The following RGS7 variants were observed in gnomAD, a reference collection of about 807,000 sequenced individuals.
RGS7 encodes the protein regulator of G protein signaling 7.
RGS7 carries 27 observed loss-of-function variants against 81.1 expected under a neutral mutation model. The observed-to-expected ratio is 0.33, with a 90% CI of 0.25 to 0.46. The LOEUF (loss-of-function observed/expected upper bound fraction) is 0.46. Ranked by LOEUF, RGS7 falls within the 20% of genes least tolerant of loss-of-function variation. The probability of loss-of-function intolerance (pLI) is 1.00; values close to 1 mark genes in which losing one functional copy is unlikely to be tolerated. For synonymous variants in RGS7, 208 were observed against 207.7 expected (o/e 1.00, Z -0.01); for missense variants, 396 against 607.4 (o/e 0.65, Z 3.66).
intron 18 of RGS7, among the ~76,000 whole-genome samples, chr1:240,790,756 T>C (rs531459768): frequency 1.3e-5 from 2 of 152,230 alleles, no homozygotes; most frequent in Non-Finnish European, 2.9e-5. Flanking sequence ...ATTCTTGCAA[T>C]GGGCTGGGGA....
At chr1:240,866,606 G>C (rs1663337523) in intron 9 of RGS7, among the ~76,000 whole-genome samples, 1 of 152,272 alleles carries the variant, frequency 6.6e-6, no homozygotes, top group Admixed American at 6.5e-5. Flanking sequence ...TTTCTAGTTG[G>C]AAGCCTAGTG....
intron 2 of RGS7, among the ~76,000 whole-genome samples, chr1:241,169,195 T>C (rs1232227109): frequency 6.9e-6 from 1 of 145,282 alleles, no homozygotes. Context: ...GTTATATACA[T>C]TAACATGTCA....
chr1:241,244,549 G>C (rs1163209556), intron 2 of RGS7, among the ~76,000 whole-genome samples: 1 of 152,182 alleles, frequency 6.6e-6, no homozygotes, highest in Non-Finnish European at 1.5e-5. Flanking sequence ...TCAGTGTGGC[G>C]ATTCCTCAAG....
At chr1:240,880,110 T>C (rs1346997949) in intron 6 of RGS7, among the ~76,000 whole-genome samples, 5 of 152,212 alleles carry the variant, frequency 3.3e-5, no homozygotes, top group Non-Finnish European at 7.3e-5. Flanking sequence ...GGTACAACCA[T>C]TGTTCACCAT....
chr1:241,215,692 G>A (rs1309014854), intron 2 of RGS7, among the ~76,000 whole-genome samples: 6 of 152,134 alleles, frequency 3.9e-5, no homozygotes, highest in Admixed American at 2.0e-4. Context: ...GGAAGTCCTC[G>A]TAGGGGAAAA....
In RGS7 at chr1:241,354,599, C is replaced by A. The variant is rs533423849; in HGVS notation, c.78+1100G>T. On this transcript the variant is annotated intron_variant, in intron 2 of 18. Coordinates refer to ENST00000440928, the MANE Select transcript of RGS7 (RefSeq NM_001364886.1). ...TACCTTTTAATGATTCTGGGCTACA[C>A]GGATGAAAAGTTTTGATTTAGTGCA... is the stretch of plus-strand genomic sequence containing the variant. 2.0e-5 allele frequency among the ~76,000 whole-genome samples: 3 copies of A among 152,228 alleles called. No homozygotes were observed. The East Asian group carries it at 5.8e-4, about 29-fold the overall frequency.
At chr1:241,296,932 G>T (rs1169027081) in intron 2 of RGS7, among the ~76,000 whole-genome samples, 1 of 151,480 alleles carries the variant, frequency 6.6e-6, no homozygotes, top group African/African-American at 2.4e-5. Context: ...TAATTAGCTG[G>T]GTTTTTTTTT....
At chr1:240,793,611 A>ATATTTTTTT in intron 18 of RGS7, among the ~76,000 whole-genome samples, 39 of 78,870 alleles carry the variant, frequency 4.9e-4, no homozygotes, top group African/African-American at 3.5e-3. Context: ...ATATATATAT[A>ATATTTTTTT]TTTTTTTTTT....
In RGS7 at chr1:240,812,035, G is replaced by A. The variant is rs763064541; in HGVS notation, c.965C>T (p.Pro322Leu). 2.5e-6 allele frequency: 4 copies of A among 1,613,858 alleles called. No individual in the cohort carries two copies. The African/African-American group carries it at 4.0e-5, about 16-fold the overall frequency. The change falls in exon 14 of 19, where the codon CCG becomes CTG. Residue 322 changes from proline to leucine, a missense_variant. Coordinates refer to ENST00000440928, the MANE Select transcript of RGS7 (RefSeq NM_001364886.1). The stretch of plus-strand genomic sequence containing the variant: ...CCATCGTTTTACCCTCTGCTGGCTC[G>A]GTTCTTTGCTATAGAAGATAAAACA... ...TFWELEASKE[P>L]SQQRVKRWGF...
intron 2 of RGS7, among the ~76,000 whole-genome samples, chr1:241,177,486 T>A (rs1389270672): frequency 6.6e-6 from 1 of 152,190 alleles, no homozygotes. Flanking sequence ...ATTTATAAAT[T>A]TGGGTTTTAT....
chr1:240,813,720 C>A lies in RGS7; in HGVS notation c.854G>T (p.Ser285Ile), dbSNP rs754885973. 6.2e-7 allele frequency: 1 copy of A among 1,604,906 alleles called. No homozygotes were observed. Among genetic ancestry groups the A allele is most frequent in the Non-Finnish European group, 8.5e-7 (1 of 1,171,574 alleles). ...GTATTCTAAATACTGTTCCGTGTAA[C>A]TTAGTAGACTAAGGAGAAAAAACAT... ...KMSKVADSLL[S>I]YTEQYLEYDP... Residue 285 changes from serine to isoleucine, a missense_variant, in exon 13 of 19, where the codon AGT (serine) becomes ATT (isoleucine). By Grantham distance (142) the Ser-to-Ile change is moderately radical. Transcript: ENST00000440928.
intron 2 of RGS7, among the ~76,000 whole-genome samples, chr1:241,246,081 G>A (rs1369065053): frequency 1.3e-5 from 2 of 152,082 alleles, no homozygotes; most frequent in Non-Finnish European, 2.9e-5. Flanking sequence ...TCCAGCCTGG[G>A]GGACAGAGCG....
At chr1:240,954,008 T>A (rs957109999) in intron 4 of RGS7, among the ~76,000 whole-genome samples, 1 of 152,002 alleles carries the variant, frequency 6.6e-6, no homozygotes, top group African/African-American at 2.4e-5. Flanking sequence ...AGATAAAAAA[T>A]GAACAAATTA....
chr1:240,992,364 C>A (rs182610512), intron 3 of RGS7, among the ~76,000 whole-genome samples: 3 of 152,020 alleles, frequency 2.0e-5, no homozygotes, highest in South Asian at 2.1e-4. Flanking sequence ...ATTAGCCAGG[C>A]GTGGTGGCGT....
At chr1:241,030,500 ACACACACACAC>A (rs1187964640) in intron 3 of RGS7, among the ~76,000 whole-genome samples, 140 of 145,756 alleles carry the variant, frequency 9.6e-4, no homozygotes, top group African/African-American at 3.7e-3. Context: ...ATGTACACAC[ACACACACACAC>A]ACACACACAC....
At chr1:241,156,487 C>G (rs548155163) in intron 2 of RGS7, among the ~76,000 whole-genome samples, 5 of 149,068 alleles carry the variant, frequency 3.4e-5, no homozygotes, top group African/African-American at 1.2e-4. Flanking sequence ...GCCTGGGCAA[C>G]AGAGAGAGAC....
Position 241,190,786 on chromosome 1 carries a change from G to C in RGS7, c.79-92024C>G, listed in dbSNP as rs566847072. On this transcript the variant is annotated intron_variant, in intron 2 of 18. Coordinates refer to ENST00000440928, the MANE Select transcript of RGS7 (RefSeq NM_001364886.1). Reference sequence around the variant, plus strand: ...ATGGTGACTGTTTTTTTTCCTTCCTGGTTTGTATGCCTTCCCCCAGCCCCA... The same window carrying C: ...ATGGTGACTGTTTTTTTTCCTTCCTCGTTTGTATGCCTTCCCCCAGCCCCA... Among the ~76,000 whole-genome samples, 30 of 151,232 alleles carry C rather than the reference G, an allele frequency of 2.0e-4. No homozygotes were observed. In the South Asian group the frequency reaches 4.4e-3, roughly 22 times the overall value.
intron 5 of RGS7, among the ~76,000 whole-genome samples, chr1:240,931,292 G>A (rs768906289): frequency 6.6e-6 from 1 of 152,174 alleles, no homozygotes; most frequent in African/African-American, 2.4e-5. Context: ...TGTCCAATGA[G>A]ATTAAAGCAA....
At chr1:240,991,618 G>A (rs985861424) in intron 3 of RGS7, among the ~76,000 whole-genome samples, 1 of 152,138 alleles carries the variant, frequency 6.6e-6, no homozygotes, top group African/African-American at 2.4e-5. Context: ...AGTCCGCAGT[G>A]TTTCCTTAGG....
Sources: gnomAD v4.1 joint callset for allele counts (sites outside exome capture counted in the v4.1 genomes callset) on GRCh38, gnomAD v4.1.1 for gene constraint, MANE v1.5 for transcripts, NCBI Gene and HGNC (gene_info 2026-07-23, HGNC 2026-07-21) for gene names.